Variants in RSPH14 observed in about 807,000 individuals in gnomAD.
The protein encoded by RSPH14 is rhabdoid tumor deletion region gene 1.
Under a neutral mutation model 26.7 loss-of-function variants are expected in RSPH14, and 20 were observed. The ratio of observed to expected loss-of-function variants is 0.75; its 90% CI spans 0.53 to 1.09. The LOEUF (loss-of-function observed/expected upper bound fraction) is 1.09. Among genes scored for constraint, RSPH14 ranks in the 50% least tolerant of loss-of-function variants. RSPH14 has a pLI of 0.00. For missense variants in RSPH14, 449 were observed against 457.2 expected, an observed-to-expected ratio of 0.98 and a Z score of 0.16; for synonymous variants, 177 against 189.3, an observed-to-expected ratio of 0.93 and a Z score of 0.53.
At chr22:23,086,081 G>T (rs572692599) in intron 4 of RSPH14, among the ~76,000 whole-genome samples, 3 of 152,240 alleles carry the variant, frequency 2.0e-5, no homozygotes, top group African/African-American at 7.2e-5. Context: ...TTCTGTCTAC[G>T]GCGGGTGACC....
At chr22:23,125,164 A>T (rs565075013) in intron 4 of RSPH14, 7 of 152,190 alleles carry the variant, frequency 4.6e-5, no homozygotes, top group African/African-American at 7.2e-5. Flanking sequence ...ACCTCCACAC[A>T]TTTAGGTAGA....
intron 4 of RSPH14, among the ~76,000 whole-genome samples, chr22:23,083,245 G>A (rs1344692597): frequency 6.6e-6 from 1 of 152,116 alleles, no homozygotes. Context: ...TGGGGTATTG[G>A]GGGTAGTAGG....
At chr22:23,060,374 G>A (rs545140779) in intron 6 of RSPH14, among the ~76,000 whole-genome samples, 6 of 152,212 alleles carry the variant, frequency 3.9e-5, no homozygotes, top group Admixed American at 1.3e-4. Flanking sequence ...AGGAGGCTGA[G>A]GCAGGAGAAT....
chr22:23,064,328 G>A (rs2068158103), intron 4 of RSPH14, among the ~76,000 whole-genome samples, 195 bp from the exon 5 acceptor site: 1 of 152,254 alleles, frequency 6.6e-6, no homozygotes, highest in Non-Finnish European at 1.5e-5. Context: ...TGCAGTGACA[G>A]CCATGTCAGG....
At chr22:23,136,174 T>A in intron 3 of RSPH14, 1 of 681,262 alleles carries the variant, frequency 1.5e-6, no homozygotes, top group Non-Finnish European at 2.7e-6. Context: ...TTTGCCTGTG[T>A]GCCTCCTCAC....
At chr22:23,161,354 C>G in the RSPH14 span, 9 of 800,532 alleles carry the variant, frequency 1.1e-5, no homozygotes, top group Admixed American at 1.2e-4. Flanking sequence ...AAGGCCCTCT[C>G]TTGGCTTGTG....
chr22:23,155,924 T>G, the RSPH14 span: 3 of 1,554,480 alleles, frequency 1.9e-6, no homozygotes, highest in South Asian at 1.2e-5. Context: ...ACTGTGATTG[T>G]GTAGCCTGAC....
chr22:23,129,431 T>G (rs1490097157), intron 4 of RSPH14, among the ~76,000 whole-genome samples: 1 of 151,980 alleles, frequency 6.6e-6, no homozygotes, highest in African/African-American at 2.4e-5. Context: ...CTACTCCTAA[T>G]GGTGCGCCCA....
the RSPH14 span, among the ~76,000 whole-genome samples, chr22:23,166,599 C>T: frequency 6.6e-6 from 1 of 152,138 alleles, no homozygotes; most frequent in African/African-American, 2.4e-5. Context: ...TTACAATTCC[C>T]TTACCGTCCT....
intron 4 of RSPH14, among the ~76,000 whole-genome samples, chr22:23,074,836 A>C (rs180711885): frequency 1.3e-5 from 2 of 152,266 alleles, no homozygotes; most frequent in Admixed American, 1.3e-4. Flanking sequence ...TGAGCAATGC[A>C]GGCACAGCTG....
At chr22:23,111,279 G>GCT (rs763869088) in intron 4 of RSPH14, among the ~76,000 whole-genome samples, 2 of 152,204 alleles carry the variant, frequency 1.3e-5, no homozygotes, top group South Asian at 4.1e-4. Flanking sequence ...AGCCAGAGAG[G>GCT]CTCTCCTGTG....
chr22:23,179,772 T>G, the RSPH14 span: 4 of 191,612 alleles, frequency 2.1e-5, no homozygotes, highest in South Asian at 1.9e-4. Flanking sequence ...GGTGCTGGCA[T>G]TGGTTACTCA....
chr22:23,156,159 A>G, the RSPH14 span: 6 of 763,424 alleles, frequency 7.9e-6, no homozygotes, highest in Non-Finnish European at 1.3e-5. Flanking sequence ...CACTGAGAAA[A>G]CACCAGGCCA....
chr22:23,156,275 C>T, the RSPH14 span: 1 of 444,274 alleles, frequency 2.3e-6, no homozygotes, highest in Non-Finnish European at 4.2e-6. Context: ...TAAGTCTCAG[C>T]CCCAGTTTCA....
intron 4 of RSPH14, among the ~76,000 whole-genome samples, chr22:23,120,012 G>T (rs531343559): frequency 3.9e-5 from 6 of 152,342 alleles, no homozygotes; most frequent in African/African-American, 1.4e-4. Flanking sequence ...GCAGGGGCCT[G>T]AGCTGAGGGA....
chr22:23,141,851 T>C, intron 1 of RSPH14, 98 bp downstream of exon 1: 2 of 428,054 alleles, frequency 4.7e-6, no homozygotes, highest in Non-Finnish European at 6.2e-6. Context: ...CAAAAGACCG[T>C]GATTTTGAGT....
chr22:23,143,189 G>A (rs2070628920), upstream of RSPH14, among the ~76,000 whole-genome samples: 1 of 151,976 alleles, frequency 6.6e-6, no homozygotes, highest in Non-Finnish European at 1.5e-5. Flanking sequence ...ACTTTGGGAG[G>A]CTGAAGGGGG....
chr22:23,114,129 G>A (rs2069743655), intron 4 of RSPH14, among the ~76,000 whole-genome samples: 1 of 152,216 alleles, frequency 6.6e-6, no homozygotes, highest in East Asian at 1.9e-4. Context: ...CCTGGTACTC[G>A]GTGGCCCTGG....
chr22:23,143,789 A>C (rs1018334609), upstream of RSPH14, among the ~76,000 whole-genome samples: 2 of 152,164 alleles, frequency 1.3e-5, no homozygotes, highest in Non-Finnish European at 2.9e-5. Flanking sequence ...GAGCCCACTT[A>C]AGAGCTAAAG....
Sources: gnomAD v4.1 joint callset for allele counts (sites outside exome capture counted in the v4.1 genomes callset) on GRCh38, gnomAD v4.1.1 for gene constraint, MANE v1.5 for transcripts, NCBI Gene and HGNC (gene_info 2026-07-23, HGNC 2026-07-21) for gene names.